The following SOX5 variants were observed in gnomAD, a reference collection of about 807,000 sequenced individuals.
SOX5 encodes transcription factor SOX-5.
In SOX5, 9 loss-of-function variants were observed where a neutral mutation model predicts 92.0. The ratio of observed to expected loss-of-function variants is 0.10; its 90% CI spans 0.06 to 0.17. The LOEUF (loss-of-function observed/expected upper bound fraction) is 0.17, where lower values mean the gene tolerates loss of function less well. Among genes scored for constraint, SOX5 ranks in the 10% least tolerant of loss-of-function variants. The probability of loss-of-function intolerance (pLI) is 1.00; values close to 1 mark genes in which losing one functional copy is unlikely to be tolerated. For synonymous variants in SOX5, 344 were observed against 336.3 expected, an observed-to-expected ratio of 1.02 and a Z score of -0.25; for missense variants, 642 against 944.5, an observed-to-expected ratio of 0.68 and a Z score of 4.20.
chr12:24,502,531 T>C (rs1948318296), intron 1 of SOX5, among the ~76,000 whole-genome samples: 1 of 152,192 alleles, frequency 6.6e-6, no homozygotes, highest in Admixed American at 6.5e-5. Flanking sequence ...AAGGAACAGT[T>C]CTTCCTTACA....
At chr12:24,030,586 A>G (rs1048013089) in intron 4 of SOX5, among the ~76,000 whole-genome samples, 6 of 152,014 alleles carry the variant, frequency 3.9e-5, no homozygotes, top group Admixed American at 2.0e-4. Flanking sequence ...AAAACTGCAA[A>G]CCTACAAGAA....
intron 4 of SOX5, among the ~76,000 whole-genome samples, chr12:24,106,702 G>A (rs1946710850): frequency 6.6e-6 from 1 of 151,432 alleles, no homozygotes; most frequent in Admixed American, 6.6e-5. Context: ...TGTGGTGGGG[G>A]AATTGCTTGA....
intron 1 of SOX5, among the ~76,000 whole-genome samples, chr12:24,388,922 A>T (rs1260972968): frequency 1.3e-5 from 2 of 152,156 alleles, no homozygotes; most frequent in Non-Finnish European, 2.9e-5. Context: ...TTCAAGGTTC[A>T]TCTACATTGT....
At position 23,786,652 on chromosome 12, in the gene SOX5, A is replaced by G. The variant is rs1335568114; in HGVS notation, c.482-30928T>C. Among the ~76,000 whole-genome samples, 2 of 146,994 alleles carry G rather than the reference A, an allele frequency of 1.4e-5. 1 individual carries two copies. The highest frequency in any genetic ancestry group is 5.0e-5 in the African/African-American group (2 of 39,860). On this transcript the variant is annotated intron_variant, in intron 3 of 14. Coordinates refer to ENST00000451604, the MANE Select transcript of SOX5 (RefSeq NM_006940.6). ...TATTTTTCTAGAAGAAATTGTAACA[A>G]TAGCGTAGGTATGCAACTATAACAT...
intron 3 of SOX5, among the ~76,000 whole-genome samples, chr12:24,271,536 G>A (rs1325164738): frequency 1.3e-5 from 2 of 151,738 alleles, no homozygotes; most frequent in Non-Finnish European, 2.9e-5. Flanking sequence ...GTGCTTTTTT[G>A]GCTTAAAGAA....
intron 3 of SOX5, chr12:23,762,739 C>A: frequency 2.4e-6 from 1 of 423,482 alleles, no homozygotes. Context: ...TCAGCTGAAC[C>A]TGCTCAATTA....
intron 3 of SOX5, among the ~76,000 whole-genome samples, chr12:24,238,758 A>G (rs1313945308): frequency 1.3e-5 from 2 of 152,174 alleles, no homozygotes; most frequent in East Asian, 1.9e-4. Context: ...TAGATCCTAC[A>G]TAGCTTACAT....
intron 8 of SOX5, among the ~76,000 whole-genome samples, chr12:23,639,105 A>C (rs943190329): frequency 2.0e-5 from 3 of 152,062 alleles, no homozygotes; most frequent in African/African-American, 7.2e-5. Context: ...GTAAGAACAT[A>C]TATGTTTGGT....
At chr12:23,552,900 C>T (rs1327406956) in intron 11 of SOX5, among the ~76,000 whole-genome samples, 1 of 151,880 alleles carries the variant, frequency 6.6e-6, no homozygotes, top group African/African-American at 2.4e-5. Context: ...TCCTACTTGA[C>T]TGAACTCAAT....
intron 1 of SOX5, among the ~76,000 whole-genome samples, chr12:24,395,351 T>A (rs1189561393): frequency 6.6e-6 from 1 of 152,144 alleles, no homozygotes; most frequent in African/African-American, 2.4e-5. Flanking sequence ...GGGGAAATTT[T>A]GAGAGAAGAG....
At chr12:24,357,527 T>G (rs1316049776) in intron 2 of SOX5, 2 of 152,124 alleles carry the variant, frequency 1.3e-5, no homozygotes, top group Non-Finnish European at 2.9e-5. Context: ...TAAGACTACC[T>G]ACCCCACCAA....
Position 24,093,718 on chromosome 12 carries a change from G to C in SOX5, c.-2+119625C>G, listed in dbSNP as rs12297188. On this transcript the variant is annotated intron_variant, in intron 4 of 4. Transcript: ENST00000446891. Reference sequence around the variant, plus strand: ...TTTTTTTTTTTTTTTAATTGAATAAGACTGCAATGGACGGTCTTGTACAAG... The same window carrying C: ...TTTTTTTTTTTTTTTAATTGAATAACACTGCAATGGACGGTCTTGTACAAG... Among the ~76,000 whole-genome samples, 9 of 141,988 alleles carry C rather than the reference G, an allele frequency of 6.3e-5. No individual in the cohort carries two copies. In the East Asian group the frequency reaches 1.8e-3, roughly 29 times the overall value. The allele number at this position is 141,988 out of a possible 152,430, so 93.1% of individuals were successfully genotyped here.
At chr12:23,744,228 C>T (rs747794055) in intron 4 of SOX5, among the ~76,000 whole-genome samples, 3 of 152,178 alleles carry the variant, frequency 2.0e-5, no homozygotes, top group Admixed American at 6.5e-5. Flanking sequence ...CTTGAACTAA[C>T]ATGCTTCAAA....
intron 1 of SOX5, among the ~76,000 whole-genome samples, chr12:24,371,662 G>A (rs948092884): frequency 2.6e-5 from 4 of 152,078 alleles, no homozygotes; most frequent in Non-Finnish European, 5.9e-5. Context: ...TCTGAATAAC[G>A]AATACAAAAC....
chr12:24,330,564 G>C (rs1327373493), intron 2 of SOX5, among the ~76,000 whole-genome samples: 1 of 152,178 alleles, frequency 6.6e-6, no homozygotes, highest in Non-Finnish European at 1.5e-5. Flanking sequence ...ATGATATCCT[G>C]TATTAGCTTC....
chr12:24,337,075 AG>A (rs1258620774), intron 2 of SOX5, among the ~76,000 whole-genome samples: 1 of 152,204 alleles, frequency 6.6e-6, no homozygotes, highest in African/African-American at 2.4e-5. Context: ...TCAATGATTT[AG>A]GTGGCAAGGA....
chr12:24,041,551 A>T (rs1054542489), intron 4 of SOX5, among the ~76,000 whole-genome samples: 1 of 152,196 alleles, frequency 6.6e-6, no homozygotes, highest in Non-Finnish European at 1.5e-5. Flanking sequence ...TAAAGTCCTT[A>T]AACCGCTTAC....
intron 1 of SOX5, among the ~76,000 whole-genome samples, chr12:24,486,240 T>C (rs1176923653): frequency 6.6e-6 from 1 of 152,182 alleles, no homozygotes; most frequent in East Asian, 1.9e-4. Flanking sequence ...CCTGGCCCCC[T>C]ATGCCTTCAG....
intron 8 of SOX5, among the ~76,000 whole-genome samples, chr12:23,620,796 C>T (rs925198617): frequency 9.2e-5 from 14 of 152,166 alleles, no homozygotes; most frequent in South Asian, 2.1e-4. Flanking sequence ...CACGTACCAA[C>T]GAAGCAATAC....
Sources: allele counts gnomAD v4.1 joint callset (sites outside exome capture counted in the v4.1 genomes callset), GRCh38; gene constraint gnomAD v4.1.1; transcripts MANE v1.5; gene names NCBI Gene and HGNC (gene_info 2026-07-23, HGNC 2026-07-21).